FAM220A: variants seen among roughly 807,000 people sequenced by gnomAD.
The protein encoded by FAM220A is protein FAM220A.
For missense variants in FAM220A, 392 were observed against 321.6 expected (o/e 1.22, Z -1.68); for synonymous variants, 141 against 130.7 (o/e 1.08, Z -0.54).
chr7:6,331,180 C>T lies in FAM220A; in HGVS notation c.-26G>A, dbSNP rs766049784. 17 of 1,592,998 alleles carry T rather than the reference C, an allele frequency of 1.1e-5. No individual in the cohort carries two copies. Among genetic ancestry groups the T allele is most frequent in the Admixed American group, 1.0e-4 (6 of 57,618 alleles). On this transcript the variant is annotated 5_prime_UTR_variant, in exon 2 of 2. Transcript: ENST00000313324. ...GCTTCGTGTTCTTGGATGCGGTGGG[C>T]CTGAGGTCACGCCTTCGTCAGTCTG...
chr7:6,340,740 A>T (rs1011556307), intron 1 of FAM220A, among the ~76,000 whole-genome samples: 8 of 151,576 alleles, frequency 5.3e-5, no homozygotes, highest in African/African-American at 1.5e-4. Flanking sequence ...TCTACTAAAA[A>T]TACAAAAAAT....
At chr7:6,334,570 A>T (rs1489404517) in intron 1 of FAM220A, among the ~76,000 whole-genome samples, 1 of 150,864 alleles carries the variant, frequency 6.6e-6, no homozygotes, top group Non-Finnish European at 1.5e-5. Flanking sequence ...TGGGTTCAAC[A>T]ATTCTCCTGC....
At chr7:6,344,800 G>T (rs559169990) in intron 1 of FAM220A, among the ~76,000 whole-genome samples, 6 of 149,344 alleles carry the variant, frequency 4.0e-5, no homozygotes, top group Middle Eastern at 7.6e-3. Flanking sequence ...GAGTGCAATG[G>T]CACGAACTTG....
intron 1 of FAM220A, among the ~76,000 whole-genome samples, chr7:6,335,983 G>T (rs188381559): frequency 6.6e-6 from 1 of 152,108 alleles, no homozygotes; most frequent in East Asian, 1.9e-4. Flanking sequence ...GATCAGCCTG[G>T]TCTACACGGT....
Position 6,344,219 on chromosome 7 carries a change from T to TA in FAM220A, c.-82+4353dup, listed in dbSNP as rs547767878. Among the ~76,000 whole-genome samples the TA allele has an allele frequency of 4.1e-4, 62 of 152,238 alleles. No homozygotes were observed. The East Asian group carries it at 0.011, about 28-fold the overall frequency. ...TTCTATTTCCTGTTGTACCTCCCTTTACCAGAAAGCCACAAAAATTAAACC... is the reference window on the plus strand; with the variant it reads ...TTCTATTTCCTGTTGTACCTCCCTTTAACCAGAAAGCCACAAAAATTAAACC... On this transcript the variant is annotated intron_variant, in intron 1 of 1. Transcript: ENST00000313324.
intron 1 of FAM220A, among the ~76,000 whole-genome samples, chr7:6,344,672 G>C (rs1391298636): frequency 6.6e-6 from 1 of 152,034 alleles, no homozygotes; most frequent in Admixed American, 6.6e-5. Flanking sequence ...TCCCACCTTG[G>C]ACTCCCAAAG....
chr7:6,342,373 C>T lies in FAM220A; in HGVS notation c.-82+6200G>A, dbSNP rs543098911. On this transcript the variant is annotated intron_variant, in intron 1 of 1. Transcript: ENST00000313324. ...CAGCCCAGCTAACATGGCAAAACCC[C>T]GACTCTACTAAAAATACAAACATTA... Among the ~76,000 whole-genome samples, 246 of 151,534 alleles carry T rather than the reference C, an allele frequency of 1.6e-3. 1 individual carries two copies. The highest frequency in any genetic ancestry group is 2.8e-3 in the Non-Finnish European group (188 of 67,842).
In FAM220A at chr7:6,335,389, A is replaced by G. The variant is rs180733575; in HGVS notation, c.-81-4154T>C. The stretch of plus-strand genomic sequence containing the variant: ...AAGCGCCCGCCACCACGCCTGGCTA[A>G]TTTTAGTTTTTGTATTTTTAGTAGA... On this transcript the variant is annotated intron_variant, in intron 1 of 1. Coordinates refer to ENST00000313324, the MANE Select transcript of FAM220A (RefSeq NM_001037163.2). Among the ~76,000 whole-genome samples the G allele has an allele frequency of 1.9e-3, 285 of 151,776 alleles. 2 individuals carry two copies. Among genetic ancestry groups the G allele is most frequent in the African/African-American group, 6.5e-3 (269 of 41,402 alleles).
At chr7:6,347,776 C>G (rs896488302) in intron 1 of FAM220A, among the ~76,000 whole-genome samples, 1 of 151,778 alleles carries the variant, frequency 6.6e-6, no homozygotes, top group African/African-American at 2.4e-5. Flanking sequence ...TCTATGCAGG[C>G]CAGATGTGGT....
chr7:6,335,240 T>A (rs1467408416), intron 1 of FAM220A, among the ~76,000 whole-genome samples: 1 of 144,832 alleles, frequency 6.9e-6, no homozygotes, highest in Non-Finnish European at 1.5e-5. Context: ...TTTTTTTTTT[T>A]AAATGGAGTC....
At chr7:6,333,624 G>A (rs938055190) in intron 1 of FAM220A, among the ~76,000 whole-genome samples, 1 of 151,502 alleles carries the variant, frequency 6.6e-6, no homozygotes, top group South Asian at 2.1e-4. Flanking sequence ...TCAGCCTCCT[G>A]TGTCACTGGG....
chr7:6,336,421 C>G (rs1056333340), intron 1 of FAM220A, among the ~76,000 whole-genome samples: 14 of 152,050 alleles, frequency 9.2e-5, no homozygotes, highest in Non-Finnish European at 1.9e-4. Flanking sequence ...TGGCTCATGC[C>G]TGTAATCCCA....
intron 1 of FAM220A, among the ~76,000 whole-genome samples, chr7:6,334,330 G>T (rs150227392): frequency 0.048 from 7,291 of 151,364 alleles, 596 homozygotes; most frequent in African/African-American, 0.17. Context: ...GAGGTCAGGA[G>T]TTCAAGACCA....
In FAM220A at chr7:6,330,935, G is replaced by A. The variant is rs766768785; in HGVS notation, c.220C>T (p.Leu74Phe). The part of the protein sequence containing the change: ...EMRKDPSGAG[L>F]WLHSGGPVLP... Reference sequence around the variant, plus strand: ...ACTGGGCCGCCACTGTGAAGCCAGAGGCCAGCCCCGCTCGGATCCTTTCTC... The same window carrying A: ...ACTGGGCCGCCACTGTGAAGCCAGAAGCCAGCCCCGCTCGGATCCTTTCTC... The change falls in exon 2 of 2, where the codon CTC becomes TTC. Residue 74 changes from leucine to phenylalanine, a missense_variant. Leu to Phe is a conservative substitution (Grantham distance 22). Transcript: ENST00000313324. 8.7e-6 allele frequency: 14 copies of A among 1,614,110 alleles called. No individual in the cohort carries two copies. Among genetic ancestry groups the A allele is most frequent in the East Asian group, 2.2e-5 (1 of 44,900 alleles).
At position 6,330,750 on chromosome 7, in the gene FAM220A, G is replaced by T. The variant is rs1216302810; in HGVS notation, c.405C>A (p.Pro135=). Reference sequence around the variant, plus strand: ...GTCCTCTGTGGCCGTCAGTGGCCCTGGGCCCTCCTCCCAGCCAGTCTCGCC... The same window carrying T: ...GTCCTCTGTGGCCGTCAGTGGCCCTTGGCCCTCCTCCCAGCCAGTCTCGCC... ...LGRRDWLGGG[P]RATDGHRGQC... Residue 135 remains proline, a synonymous_variant, in exon 2 of 2, where the codon CCC becomes CCA. Coordinates refer to ENST00000313324, the MANE Select transcript of FAM220A (RefSeq NM_001037163.2). 3 of 1,614,134 alleles carry T rather than the reference G, an allele frequency of 1.9e-6. No homozygotes were observed. Among genetic ancestry groups the T allele is most frequent in the East Asian group, 4.5e-5 (2 of 44,874 alleles).
chr7:6,347,297 T>C (rs1345228066), intron 1 of FAM220A, among the ~76,000 whole-genome samples: 2 of 152,172 alleles, frequency 1.3e-5, no homozygotes, highest in African/African-American at 4.8e-5. Context: ...GGCAGATCAC[T>C]TGAAGTCAGG....
chr7:6,337,340 T>G (rs1367502048), intron 1 of FAM220A, among the ~76,000 whole-genome samples: 2 of 152,136 alleles, frequency 1.3e-5, no homozygotes, highest in East Asian at 3.9e-4. Context: ...CAGGCTGGTC[T>G]CTAACTCCTG....
chr7:6,343,980 G>A (rs147544874), intron 1 of FAM220A, among the ~76,000 whole-genome samples: 2,928 of 152,164 alleles, frequency 0.019, 41 homozygotes, highest in South Asian at 0.043. Flanking sequence ...TGAACTCCCA[G>A]GCACAGGTGA....
intron 1 of FAM220A, among the ~76,000 whole-genome samples, chr7:6,342,525 C>G (rs1583241101): frequency 6.6e-6 from 1 of 151,534 alleles, no homozygotes; most frequent in Admixed American, 6.6e-5. Flanking sequence ...GGTGACAAAG[C>G]GAGACTCTGT....
Sources: allele counts gnomAD v4.1 joint callset (sites outside exome capture counted in the v4.1 genomes callset), GRCh38; gene constraint gnomAD v4.1.1; transcripts MANE v1.5; gene names NCBI Gene and HGNC (gene_info 2026-07-23, HGNC 2026-07-21).